The following TEAD3 variants were observed in gnomAD, a reference collection of about 807,000 sequenced individuals.
TEAD3 encodes the protein transcriptional enhancer factor TEF-5.
A neutral mutation model predicts 55.6 loss-of-function variants in TEAD3; 15 were observed. That is an observed-to-expected ratio of 0.27 (90% CI 0.18 to 0.42). The LOEUF (loss-of-function observed/expected upper bound fraction) is 0.42, where lower values mean the gene tolerates loss of function less well. Among genes scored for constraint, TEAD3 ranks in the 10% least tolerant of loss-of-function variants. TEAD3 has a pLI of 1.00. For missense variants in TEAD3, 407 were observed against 576.8 expected, an observed-to-expected ratio of 0.71 and a Z score of 3.01; for synonymous variants, 210 against 232.2, an observed-to-expected ratio of 0.90 and a Z score of 0.87.
intron 8 of TEAD3, 40 bp from the exon 9 acceptor site, chr6:35,476,475 G>A (rs1199782206): frequency 6.2e-7 from 1 of 1,606,354 alleles, no homozygotes; most frequent in Non-Finnish European, 8.5e-7. Context: ...ATGGATGCAT[G>A]CAGGTGCTTA....
At chr6:35,482,029 G>A (rs1009494248) in intron 3 of TEAD3, among the ~76,000 whole-genome samples, 2 of 152,190 alleles carry the variant, frequency 1.3e-5, no homozygotes, top group Non-Finnish European at 2.9e-5. Flanking sequence ...CTGTCACCCA[G>A]GCTAGAGTGC....
rs1768219347 is a variant in TEAD3, at chr6:35,479,323, G to C, written c.331-7C>G. ...TACTTACCAGGTTCATGGCCTGTGA[G>C]GGAGAGAAGGAAGATAGATTAGAGG... On this transcript the variant is annotated splice_region_variant and splice_polypyrimidine_tract_variant and intron_variant, in intron 4 of 12. Transcript: ENST00000639578. The C allele has an allele frequency of 6.2e-7, 1 of 1,613,902 alleles. No homozygotes were observed. The highest frequency in any genetic ancestry group is 1.3e-5 in the African/African-American group (1 of 74,934).
chr6:35,486,754 G>A lies in TEAD3; in HGVS notation c.-49-43C>T. 1.4e-6 allele frequency: 2 copies of A among 1,391,344 alleles called. No individual in the cohort carries two copies. Among genetic ancestry groups the A allele is most frequent in the Non-Finnish European group, 9.9e-7 (1 of 1,011,438 alleles). 86.2% of individuals were successfully genotyped at this position (1,391,344 alleles called of 1,614,324 possible). On this transcript the variant is annotated intron_variant, in intron 1 of 12. Transcript: ENST00000639578. The surrounding 1 kb of genome is among the most constrained non-coding windows in gnomAD (Gnocchi z 7.3). ...AGGAACTGGGACCAGGGTCCTCCTCGACCACAGCAATCTCCTATCCCACAG... is the reference window on the plus strand; with the variant it reads ...AGGAACTGGGACCAGGGTCCTCCTCAACCACAGCAATCTCCTATCCCACAG...
At chr6:35,487,631 G>A (rs959216857) in intron 1 of TEAD3, among the ~76,000 whole-genome samples, 2 of 150,794 alleles carry the variant, frequency 1.3e-5, no homozygotes, top group Admixed American at 6.6e-5. Context: ...GCTGAGGCAC[G>A]AAGATCACTT....
At chr6:35,478,763 C>T (rs893787322) in intron 5 of TEAD3, among the ~76,000 whole-genome samples, 192 bp from the exon 6 acceptor site, 1 of 152,190 alleles carries the variant, frequency 6.6e-6, no homozygotes, top group Non-Finnish European at 1.5e-5. Flanking sequence ...TGGTCTCAGT[C>T]CCCCAAGTGC....
rs1028580135 is a variant in TEAD3, at chr6:35,476,229, T to C, written c.726+73A>G. On this transcript the variant is annotated intron_variant, in intron 9 of 12. Transcript: ENST00000639578. ...AGACCCCCAACCCCCAGATCCTGAG[T>C]TGCAGCCCTGGATCACCCGGCCGGC... 2.7e-5 allele frequency: 42 copies of C among 1,566,176 alleles called. No individual in the cohort carries two copies. The East Asian group carries it at 9.0e-4, about 33-fold the overall frequency.
Position 35,475,930 on chromosome 6 carries a change from C to T in TEAD3, c.889G>A (p.Val297Ile). 6.5e-7 allele frequency: 1 copy of T among 1,531,218 alleles called. No individual in the cohort carries two copies. The highest frequency in any genetic ancestry group is 8.8e-7 in the Non-Finnish European group (1 of 1,141,790). The allele number at this position is 1,531,218 out of a possible 1,614,324, so 94.9% of individuals were successfully genotyped here. A position where few individuals can be genotyped will look rare whatever the true frequency, so the allele number is the denominator to read the frequency against. Residue 297 changes from valine (V) to isoleucine (I), a missense_variant, in exon 10 of 13, where the codon GTC becomes ATC. Physicochemically the swap from Val to Ile is conservative, Grantham distance 29. Coordinates refer to ENST00000639578, the Ensembl canonical transcript of TEAD3. This position sits in a 1 kb window ranked among gnomAD's most constrained non-coding sequence, Gnocchi z 5.4. ...CCAGGGGGACTCACCCAGAACTTGA[C>T]AAGGAAGAAGGCATTAGGGGGCCCC...
At chr6:35,490,194 C>G (rs565833482) in intron 1 of TEAD3, among the ~76,000 whole-genome samples, 18 of 152,316 alleles carry the variant, frequency 1.2e-4, no homozygotes, top group Middle Eastern at 3.4e-3. Context: ...TGTGGCCCCC[C>G]CTTCTTAGGG....
chr6:35,478,233 C>T, intron 7 of TEAD3, 42 bp downstream of exon 7: 4 of 1,610,740 alleles, frequency 2.5e-6, no homozygotes, highest in Non-Finnish European at 3.4e-6. Flanking sequence ...TGTGCGGCTG[C>T]CAGGAGGAAG....
At position 35,486,368 on chromosome 6, in the gene TEAD3, G is replaced by A; in HGVS notation, c.202+93C>T. The A allele has an allele frequency of 1.4e-6, 2 of 1,428,984 alleles. No homozygotes were observed. Among genetic ancestry groups the A allele is most frequent in the Non-Finnish European group, 1.9e-6 (2 of 1,063,914 alleles). The allele number at this position is 1,428,984 out of a possible 1,614,324, so 88.5% of individuals were successfully genotyped here. A position where few individuals can be genotyped will look rare whatever the true frequency, so the allele number is the denominator to read the frequency against. On this transcript the variant is annotated intron_variant, in intron 2 of 12. Transcript: ENST00000639578. This position sits in a 1 kb window ranked among gnomAD's most constrained non-coding sequence, Gnocchi z 7.3. ...CGCGCCCAGACTCGCCCGGCCAGCG[G>A]CTGGCGGCCTCCGACGTCACCAAAC... is the stretch of plus-strand genomic sequence containing the variant.
intron 1 of TEAD3, among the ~76,000 whole-genome samples, chr6:35,489,580 TG>T (rs1202950601): frequency 6.6e-6 from 1 of 152,140 alleles, no homozygotes; most frequent in Non-Finnish European, 1.5e-5. Context: ...CCATGGCCAG[TG>T]GGCGGCCAGA....
At chr6:35,494,499 C>T (rs186834295) in intron 1 of TEAD3, among the ~76,000 whole-genome samples, 114 of 152,296 alleles carry the variant, frequency 7.5e-4, no homozygotes, top group African/African-American at 2.6e-3. Flanking sequence ...GGGACAGTGC[C>T]GAGTGTGACC....
At chr6:35,473,843 A>T (rs1768085891), downstream of TEAD3, 1 of 152,404 alleles carries the variant, frequency 6.6e-6, no homozygotes, top group African/African-American at 2.4e-5. Context: ...CAGGGTCGGG[A>T]TGAGGAAGGG....
chr6:35,480,238 T>C lies in TEAD3; in HGVS notation c.268-116A>G, dbSNP rs375084742. The C allele has an allele frequency of 1.0e-4, 165 of 1,573,256 alleles. No individual in the cohort carries two copies. The African/African-American group carries it at 1.9e-3, about 19-fold the overall frequency. On this transcript the variant is annotated intron_variant, in intron 3 of 12. Transcript: ENST00000639578. ...CTGGAGAGCTGGCCAAGGAAAGGCC[T>C]GAGCTATGCAGAGATAGCGCCGTGG...
At chr6:35,474,201 T>A (rs977417363), downstream of TEAD3, 1 of 145,548 alleles carries the variant, frequency 6.9e-6, no homozygotes, top group African/African-American at 2.8e-5. Context: ...TGCCCCATCT[T>A]CCTGGGGCCC....
chr6:35,489,585 G>A (rs920232969), intron 1 of TEAD3, among the ~76,000 whole-genome samples: 1 of 152,138 alleles, frequency 6.6e-6, no homozygotes, highest in African/African-American at 2.4e-5. Flanking sequence ...GCCAGTGGGC[G>A]GCCAGAAGGA....
intron 5 of TEAD3, among the ~76,000 whole-genome samples, chr6:35,479,062 TAG>T (rs1561804293): frequency 6.6e-6 from 1 of 152,102 alleles, no homozygotes; most frequent in Non-Finnish European, 1.5e-5. Flanking sequence ...GTATTTTTAG[TAG>T]AGACGGAGTT....
In TEAD3 at chr6:35,488,904, C is replaced by T. The variant is rs1488624990; in HGVS notation, c.-49-2193G>A. Among the ~76,000 whole-genome samples, 1 of 151,980 alleles carries T rather than the reference C, an allele frequency of 6.6e-6. No homozygotes were observed. The highest frequency in any genetic ancestry group is 1.5e-5 in the Non-Finnish European group (1 of 68,004). On this transcript the variant is annotated intron_variant, in intron 1 of 12. Transcript: ENST00000639578. This position sits in a 1 kb window ranked among gnomAD's most constrained non-coding sequence, Gnocchi z 4.2. ...GCACCTGTAGCTGGGATTACAGGCGCATGCCACCATGCCCAGATAATTTTT... is the reference window on the plus strand; with the variant it reads ...GCACCTGTAGCTGGGATTACAGGCGTATGCCACCATGCCCAGATAATTTTT...
rs1196126264 is a variant in TEAD3 at position 35,496,581 on chromosome 6, TC to T, written c.-50+316del. Among the ~76,000 whole-genome samples the T allele has an allele frequency of 6.6e-6, 1 of 151,786 alleles. No individual in the cohort carries two copies. The highest frequency in any genetic ancestry group is 1.5e-5 in the Non-Finnish European group (1 of 67,920). ...CCCTCCACACTGTGCGGCCCCCGGA[TC>T]CCCGCCCCGACCCCCCAAGCACGGA... On this transcript the variant is annotated intron_variant, in intron 1 of 12. Transcript: ENST00000639578. The surrounding 1 kb of genome is among the most constrained non-coding windows in gnomAD (Gnocchi z 4.8).
Sources: gnomAD v4.1 joint callset for allele counts (sites outside exome capture counted in the v4.1 genomes callset) on GRCh38, gnomAD v4.1.1 for gene constraint, Gnocchi (gnomAD v3.1) non-coding constraint, MANE v1.5 for transcripts, NCBI Gene and HGNC (gene_info 2026-07-23, HGNC 2026-07-21) for gene names.